NAV3: variants seen among roughly 807,000 people sequenced by gnomAD.
NAV3 encodes pore membrane and/or filament interacting like protein 1.
NAV3 carries 87 observed loss-of-function variants against 244.7 expected under a neutral mutation model. The ratio of observed to expected loss-of-function variants is 0.36; its 90% CI spans 0.30 to 0.42. The LOEUF (loss-of-function observed/expected upper bound fraction) is 0.42, where lower values mean the gene tolerates loss of function less well. Among genes scored for constraint, NAV3 ranks in the 20% least tolerant of loss-of-function variants. NAV3 has a pLI of 1.00. For missense variants in NAV3, 2,663 were observed against 2,893.3 expected (o/e 0.92, Z 1.83); for synonymous variants, 1,126 against 1,042.2 (o/e 1.08, Z -1.55).
intron 1 of NAV3, among the ~76,000 whole-genome samples, chr12:77,934,557 A>G (rs1389215330): frequency 6.6e-6 from 1 of 152,118 alleles, no homozygotes; most frequent in East Asian, 1.9e-4. Context: ...TCTCTTCCCT[A>G]TACTAGTTTT....
Position 78,177,639 on chromosome 12 carries a change from C to G in NAV3, c.5317C>G (p.Pro1773Ala). 1.9e-6 allele frequency: 3 copies of G among 1,597,196 alleles called. No homozygotes were observed. In the South Asian group the frequency reaches 3.3e-5, roughly 18 times the overall value. ...SASASPLVWP[P>A]KKRQNGPVIY... ...ATACAGGTCACCCCTTGTCTGGCCA[C>G]CAAAGAAACGACAAAATGGCCCTGT... Residue 1773 changes from proline to alanine, a missense_variant, in exon 28 of 40, where the codon CCA becomes GCA. Physicochemically the swap from Pro to Ala is conservative, Grantham distance 27. Coordinates refer to ENST00000397909, the MANE Select transcript of NAV3 (RefSeq NM_001024383.2).
intron 6 of NAV3, among the ~76,000 whole-genome samples, chr12:77,997,690 A>T (rs1872592269): frequency 6.6e-6 from 1 of 152,242 alleles, no homozygotes; most frequent in Non-Finnish European, 1.5e-5. Context: ...CTTGTGAGAC[A>T]ACCAGCTAAG....
At chr12:77,738,272 G>C (rs1189673163) in intron 2 of NAV3, among the ~76,000 whole-genome samples, 1 of 152,096 alleles carries the variant, frequency 6.6e-6, no homozygotes, top group Non-Finnish European at 1.5e-5. Context: ...ATCAGTTAGT[G>C]GAGTGAAAAT....
intron 2 of NAV3, among the ~76,000 whole-genome samples, chr12:77,673,292 A>T (rs1241013284): frequency 1.3e-5 from 2 of 152,150 alleles, no homozygotes; most frequent in Non-Finnish European, 2.9e-5. Context: ...TTGCATTGCA[A>T]GAGATTCATA....
At chr12:78,173,870 A>G (rs1178628801) in intron 24 of NAV3, among the ~76,000 whole-genome samples, 3 of 151,774 alleles carry the variant, frequency 2.0e-5, no homozygotes, top group South Asian at 4.2e-4. Flanking sequence ...ACACACACAC[A>G]TATATATGTA....
intron 2 of NAV3, among the ~76,000 whole-genome samples, chr12:77,818,821 C>A (rs1872620451): frequency 6.6e-6 from 1 of 151,970 alleles, no homozygotes; most frequent in South Asian, 2.1e-4. Context: ...GAGAGATTTT[C>A]TTTTACTTAT....
At chr12:77,693,820 A>G (rs1875152995) in intron 2 of NAV3, among the ~76,000 whole-genome samples, 1 of 152,028 alleles carries the variant, frequency 6.6e-6, no homozygotes, top group Non-Finnish European at 1.5e-5. Context: ...TTTCTGGACT[A>G]CCAAACTCAG....
At chr12:78,174,650 T>C (rs1009270148) in intron 24 of NAV3, among the ~76,000 whole-genome samples, 23 of 152,048 alleles carry the variant, frequency 1.5e-4, no homozygotes, top group African/African-American at 5.3e-4. Context: ...TAGGGGTACA[T>C]TGGAAGAATT....
chr12:77,947,535 C>T (rs1890473741), intron 3 of NAV3: 1 of 151,472 alleles, frequency 6.6e-6, no homozygotes, highest in Non-Finnish European at 1.5e-5. Context: ...AAAATTGTAG[C>T]ACTATGACTC....
chr12:78,199,655 T>TC (rs1238378762), intron 37 of NAV3, 124 bp downstream of exon 37: 3 of 658,730 alleles, frequency 4.6e-6, no homozygotes, highest in Non-Finnish European at 7.0e-6. Flanking sequence ...AAAGATTTAT[T>TC]TTTTTCCCTT....
At chr12:78,189,877 G>T (rs1436554833) in intron 33 of NAV3, 107 bp from the exon 34 acceptor site, 1 of 768,588 alleles carries the variant, frequency 1.3e-6, no homozygotes, top group East Asian at 2.6e-5. Flanking sequence ...TATTTTTCAA[G>T]GACTCTATTC....
At chr12:77,758,805 G>A (rs1276430017) in intron 2 of NAV3, among the ~76,000 whole-genome samples, 1 of 152,162 alleles carries the variant, frequency 6.6e-6, no homozygotes, top group Admixed American at 6.5e-5. Context: ...AAACTTTGAA[G>A]TAAGAGCAAT....
At chr12:78,024,869 G>A (rs148438804) in intron 9 of NAV3, among the ~76,000 whole-genome samples, 203 of 152,012 alleles carry the variant, frequency 1.3e-3, no homozygotes, top group African/African-American at 4.6e-3. Context: ...CAGCTACTCG[G>A]GAGGCTGAGA....
intron 23 of NAV3, among the ~76,000 whole-genome samples, chr12:78,166,454 G>T (rs1358785739): frequency 6.6e-6 from 1 of 151,574 alleles, no homozygotes; most frequent in Non-Finnish European, 1.5e-5. Flanking sequence ...TATTTTATAG[G>T]TGTTTGCTTA....
chr12:77,843,193 A>G (rs1875991993), intron 1 of NAV3, among the ~76,000 whole-genome samples: 2 of 152,012 alleles, frequency 1.3e-5, no homozygotes. Context: ...TGATATCCAC[A>G]CTTGTGTGTT....
At chr12:78,056,510 C>T (rs1219696999) in intron 11 of NAV3, among the ~76,000 whole-genome samples, 1 of 152,152 alleles carries the variant, frequency 6.6e-6, no homozygotes, top group African/African-American at 2.4e-5. Context: ...AGATAGATCA[C>T]CTTAAGTCAG....
chr12:77,787,766 T>A (rs557575087), intron 2 of NAV3, among the ~76,000 whole-genome samples: 1 of 152,326 alleles, frequency 6.6e-6, no homozygotes, highest in South Asian at 2.1e-4. Context: ...ACTGTTTATT[T>A]TATGTAAATG....
chr12:77,677,934 T>C (rs943731213), intron 2 of NAV3, among the ~76,000 whole-genome samples: 2 of 144,650 alleles, frequency 1.4e-5, no homozygotes, highest in Non-Finnish European at 3.2e-5. Context: ...AGTAAATAGA[T>C]TTTTTTTCAC....
chr12:77,655,559 CA>C (rs1873057578), intron 2 of NAV3, among the ~76,000 whole-genome samples: 2 of 152,130 alleles, frequency 1.3e-5, no homozygotes, highest in Admixed American at 1.3e-4. Context: ...AGAACTTCCC[CA>C]ATCTAGCAAG....
Sources: gnomAD v4.1 joint callset for allele counts (sites outside exome capture counted in the v4.1 genomes callset) on GRCh38, gnomAD v4.1.1 for gene constraint, MANE v1.5 for transcripts, NCBI Gene and HGNC (gene_info 2026-07-23, HGNC 2026-07-21) for gene names.